KALRN: variants seen among roughly 807,000 people sequenced by gnomAD.
KALRN encodes kalirin RhoGEF kinase, also known as kalirin.
Under a neutral mutation model 353.7 loss-of-function variants are expected in KALRN, and 70 were observed. The ratio of observed to expected loss-of-function variants is 0.20; its 90% CI spans 0.16 to 0.24. The LOEUF (loss-of-function observed/expected upper bound fraction) is 0.24, where lower values mean the gene tolerates loss of function less well. KALRN is among the 10% of genes least tolerant of loss of function. The pLI, the probability that KALRN is intolerant of heterozygous loss-of-function variation, is 1.00. For synonymous variants in KALRN, 1,391 were observed against 1,434.8 expected (o/e 0.97, Z 0.69); for missense variants, 2,791 against 3,756.7 (o/e 0.74, Z 6.72).
In KALRN at chr3:124,262,255, G is replaced by A. The variant is rs545597522; in HGVS notation, c.264-2243G>A. Among the ~76,000 whole-genome samples, 426 of 152,204 alleles carry A rather than the reference G, an allele frequency of 2.8e-3. 2 individuals carry two copies. The highest frequency in any genetic ancestry group is 4.8e-3 in the Non-Finnish European group (328 of 67,994). ...AATTTTAGACATGAGAAAAAACTAC[G>A]TTACAGTGAAAAGTAGAACAGTATA... On this transcript the variant is annotated intron_variant, in intron 3 of 59. Transcript: ENST00000682506.
At chr3:124,468,847 G>C (rs954619431) in intron 25 of KALRN, among the ~76,000 whole-genome samples, 3 of 152,208 alleles carry the variant, frequency 2.0e-5, no homozygotes, top group African/African-American at 7.2e-5. Context: ...CCCATCAGAG[G>C]AGCCCTATAC....
chr3:124,596,765 GGGTCGGGCAC>G (rs1243292110), intron 34 of KALRN, among the ~76,000 whole-genome samples: 1 of 152,116 alleles, frequency 6.6e-6, no homozygotes, highest in African/African-American at 2.4e-5. Flanking sequence ...TAAGTACATA[GGGTCGGGCAC>G]GGTGGCCCAC....
intron 5 of KALRN, among the ~76,000 whole-genome samples, chr3:124,269,899 C>T (rs2073954976): frequency 6.6e-6 from 1 of 152,164 alleles, no homozygotes; most frequent in Non-Finnish European, 1.5e-5. Flanking sequence ...GTCCAGGGCT[C>T]TTCCTGCCAT....
At chr3:124,324,492 A>T (rs1320043451) in intron 6 of KALRN, among the ~76,000 whole-genome samples, 1 of 152,198 alleles carries the variant, frequency 6.6e-6, no homozygotes, top group Non-Finnish European at 1.5e-5. Flanking sequence ...TACATCTTTG[A>T]GGGATAGTTA....
chr3:124,301,687 G>A (rs931421985), intron 6 of KALRN, among the ~76,000 whole-genome samples: 3 of 152,174 alleles, frequency 2.0e-5, no homozygotes, highest in African/African-American at 7.2e-5. Context: ...CTCTGGCCTG[G>A]GTGATGGATG....
At chr3:124,533,029 T>C (rs1158169928) in intron 33 of KALRN, among the ~76,000 whole-genome samples, 4 of 148,560 alleles carry the variant, frequency 2.7e-5, no homozygotes, top group African/African-American at 4.9e-5. Flanking sequence ...ATATATATAA[T>C]TATATACATA....
intron 34 of KALRN, among the ~76,000 whole-genome samples, chr3:124,599,857 G>A (rs2076629089): frequency 6.6e-6 from 1 of 152,156 alleles, no homozygotes; most frequent in Non-Finnish European, 1.5e-5. Flanking sequence ...TTAACTTACA[G>A]CTTCACCACC....
chr3:124,331,807 G>A (rs995067196), intron 8 of KALRN, among the ~76,000 whole-genome samples: 3 of 152,112 alleles, frequency 2.0e-5, no homozygotes, highest in Admixed American at 6.5e-5. Flanking sequence ...AGGCCCTAGC[G>A]TTGTGAGGCT....
intron 34 of KALRN, among the ~76,000 whole-genome samples, chr3:124,585,832 C>G (rs2250890): frequency 0.25 from 37,532 of 152,054 alleles, 6,855 homozygotes; most frequent in East Asian, 0.5. Flanking sequence ...GCCTCCACCC[C>G]CATTTACAAT....
intron 1 of KALRN, among the ~76,000 whole-genome samples, chr3:124,071,866 A>G (rs2060036031): frequency 6.6e-6 from 1 of 152,208 alleles, no homozygotes; most frequent in Admixed American, 6.5e-5. Context: ...AGAGAGCAGA[A>G]TATGTCCATG....
chr3:124,159,667 T>G (rs1485853227), intron 1 of KALRN, among the ~76,000 whole-genome samples: 1 of 152,024 alleles, frequency 6.6e-6, no homozygotes, highest in Non-Finnish European at 1.5e-5. Flanking sequence ...GTAGCCCATT[T>G]CTCTGATGCG....
At chr3:124,445,090 C>T (rs1198966297) in intron 19 of KALRN, among the ~76,000 whole-genome samples, 3 of 152,108 alleles carry the variant, frequency 2.0e-5, no homozygotes, top group South Asian at 2.1e-4. Flanking sequence ...AGATTTGGCC[C>T]GAATCTGAAC....
At position 124,658,454 on chromosome 3, in the gene KALRN, G is replaced by A. The variant is rs770046012; in HGVS notation, c.6060G>A (p.Val2020=). The change falls in exon 42 of 60, where the codon GTG becomes GTA. Residue 2020 remains valine (V), a synonymous_variant. Coordinates refer to ENST00000682506, the MANE Select transcript of KALRN (RefSeq NM_001388419.1). ...AGGAGCGGAAGCTGCACATCTACGTGTGGTATTGTCAGAATAAGCCGCGCT... is the reference window on the plus strand; with the variant it reads ...AGGAGCGGAAGCTGCACATCTACGTATGGTATTGTCAGAATAAGCCGCGCT... The part of the protein sequence containing the change: ...IKHERKLHIY[V]WYCQNKPRSE... 2.5e-6 allele frequency: 4 copies of A among 1,613,900 alleles called. No individual in the cohort carries two copies. Among genetic ancestry groups the A allele is most frequent in the Non-Finnish European group, 2.5e-6 (3 of 1,179,776 alleles).
intron 1 of KALRN, among the ~76,000 whole-genome samples, chr3:124,168,258 G>A (rs139295222): frequency 1.6e-3 from 239 of 152,318 alleles, no homozygotes; most frequent in African/African-American, 5.6e-3. Flanking sequence ...AAAGCAAGAT[G>A]ATTGTTAAGT....
At chr3:124,402,968 G>A (rs192424656) in intron 13 of KALRN, among the ~76,000 whole-genome samples, 4 of 152,210 alleles carry the variant, frequency 2.6e-5, no homozygotes, top group Admixed American at 6.5e-5. Context: ...CAGGAAACTC[G>A]TTAAACCACG....
At chr3:124,642,156 C>T (rs1708304) in intron 37 of KALRN, among the ~76,000 whole-genome samples, 35,649 of 151,926 alleles carry the variant, frequency 0.23, 4,488 homozygotes, top group East Asian at 0.47. Context: ...TGGTGGCATG[C>T]GCCTGTAATC....
At chr3:124,452,645 G>C (rs2058904508) in intron 21 of KALRN, among the ~76,000 whole-genome samples, 1 of 152,114 alleles carries the variant, frequency 6.6e-6, no homozygotes, top group Non-Finnish European at 1.5e-5. Context: ...GAGCAGTGGA[G>C]ACAGGGCTGC....
chr3:124,368,169 C>T (rs1301930470), intron 10 of KALRN, among the ~76,000 whole-genome samples: 1 of 65,520 alleles, frequency 1.5e-5, no homozygotes, highest in Non-Finnish European at 2.9e-5. Flanking sequence ...TCCCGGACAG[C>T]ACGGCTGGCC....
chr3:124,706,817 G>C lies in KALRN; in HGVS notation c.8075+4701G>C, dbSNP rs572962367. 4.3e-4 allele frequency among the ~76,000 whole-genome samples: 66 copies of C among 151,864 alleles called. 3 individuals are homozygous for C. The South Asian group carries it at 0.013, about 31-fold the overall frequency. The stretch of plus-strand genomic sequence containing the variant: ...ACTCTTGACCTCAGGTGATCCGCCT[G>C]CCTCAGCCTCCCAAAGTGCTGGGAT... On this transcript the variant is annotated intron_variant, in intron 57 of 59. Coordinates refer to ENST00000682506, the MANE Select transcript of KALRN (RefSeq NM_001388419.1).
Sources: gnomAD v4.1 joint callset for allele counts (sites outside exome capture counted in the v4.1 genomes callset) on GRCh38, gnomAD v4.1.1 for gene constraint, MANE v1.5 for transcripts, NCBI Gene and HGNC (gene_info 2026-07-23, HGNC 2026-07-21) for gene names.